Variants in TSNARE1 observed in about 807,000 individuals in gnomAD.
TSNARE1 encodes t-SNARE domain containing 1.
In TSNARE1, 49 loss-of-function variants were observed where a neutral mutation model predicts 62.0. That is an observed-to-expected ratio of 0.79 (90% confidence interval 0.63 to 1.00). The LOEUF is 1.00. Ranked by LOEUF, TSNARE1 falls within the 50% of genes least tolerant of loss-of-function variation. The probability of loss-of-function intolerance (pLI) is 0.00; values close to 1 mark genes in which losing one functional copy is unlikely to be tolerated. For synonymous variants in TSNARE1, 328 were observed against 294.4 expected, an observed-to-expected ratio of 1.11 and a Z score of -1.17; for missense variants, 755 against 700.1, an observed-to-expected ratio of 1.08 and a Z score of -0.88.
At chr8:142,288,658 C>T (rs1485226748) in intron 10 of TSNARE1, among the ~76,000 whole-genome samples, 2 of 152,244 alleles carry the variant, frequency 1.3e-5, no homozygotes, top group African/African-American at 2.4e-5. Flanking sequence ...ATGTCAGGCC[C>T]GCAGACAGAG....
At chr8:142,368,958 A>T (rs191764725) in intron 1 of TSNARE1, among the ~76,000 whole-genome samples, 5 of 152,208 alleles carry the variant, frequency 3.3e-5, no homozygotes, top group African/African-American at 1.2e-4. Context: ...ACTCTCCTCT[A>T]AAGAGCAGCA....
intron 1 of TSNARE1, chr8:142,366,053 C>CT (rs1172678046): frequency 0.018 from 5,767 of 321,446 alleles, 14 homozygotes; most frequent in African/African-American, 0.029. Context: ...GCTTTTTTTT[C>CT]TTTTTTTTTT....
At chr8:142,339,827 G>A (rs906449117) in intron 4 of TSNARE1, among the ~76,000 whole-genome samples, 3 of 152,244 alleles carry the variant, frequency 2.0e-5, no homozygotes, top group Non-Finnish European at 4.4e-5. Context: ...GCGGAGAGCA[G>A]CGGCCCTGCC....
intron 12 of TSNARE1, among the ~76,000 whole-genome samples, chr8:142,241,310 G>A (rs960118474): frequency 6.6e-6 from 1 of 152,158 alleles, no homozygotes; most frequent in African/African-American, 2.4e-5. Flanking sequence ...TAAGGAAGGG[G>A]TGAAAGATAT....
At chr8:142,344,506 C>T in intron 3 of TSNARE1, 34 bp from the exon 4 acceptor site, 3 of 1,465,592 alleles carry the variant, frequency 2.0e-6, no homozygotes, top group East Asian at 5.0e-5. Flanking sequence ...TGTTTAAGGC[C>T]CTGGGCCTGT....
rs146623805 is a variant in TSNARE1, at chr8:142,343,717, C to T, written c.745+249G>A. Among the ~76,000 whole-genome samples the T allele has an allele frequency of 1.5e-3, 216 of 140,302 alleles. 1 individual carries two copies. Among genetic ancestry groups the T allele is most frequent in the African/African-American group, 5.4e-3 (201 of 37,268 alleles). 92.0% of individuals were successfully genotyped at this position (140,302 alleles called of 152,430 possible). A position where few individuals can be genotyped will look rare whatever the true frequency, so the allele number is the denominator to read the frequency against. On this transcript the variant is annotated intron_variant, in intron 4 of 13. Coordinates refer to ENST00000524325, the MANE Select transcript of TSNARE1 (RefSeq NM_145003.5). ...GTGAACGGGGCAGAGGATGAATGAA[C>T]AAGAACACTCCAGATGAGACAGTGG... is the stretch of plus-strand genomic sequence containing the variant.
intron 5 of TSNARE1, among the ~76,000 whole-genome samples, chr8:142,331,244 T>C (rs368903143): frequency 2.0e-5 from 3 of 152,236 alleles, no homozygotes; most frequent in East Asian, 3.9e-4. Flanking sequence ...TCCAGCAGTC[T>C]TGCCCTGGCT....
At chr8:142,282,873 G>A (rs1298707897) in intron 11 of TSNARE1, among the ~76,000 whole-genome samples, 3 of 141,290 alleles carry the variant, frequency 2.1e-5, no homozygotes, top group Non-Finnish European at 3.1e-5. Context: ...GCAGAGGGGA[G>A]GCCACTGTCT....
rs374732897 is a variant in TSNARE1, at chr8:142,330,988, G to A, written c.824-18C>T. The A allele has an allele frequency of 1.2e-6, 2 of 1,612,914 alleles. No homozygotes were observed. Among genetic ancestry groups the A allele is most frequent in the African/African-American group, 2.7e-5 (2 of 74,932 alleles). On this transcript the variant is annotated intron_variant, in intron 5 of 13. Transcript: ENST00000524325. ...GGAGGTCACTGCCCGAGAGAAGAGG[G>A]ACAGGGTGAGGGCAGAAGGAGCTTC...
intron 9 of TSNARE1, among the ~76,000 whole-genome samples, chr8:142,314,076 G>T (rs1828108223): frequency 6.6e-6 from 1 of 152,208 alleles, no homozygotes; most frequent in South Asian, 2.1e-4. Context: ...ACCGCGCCCG[G>T]CCACGTGTGT....
chr8:142,214,469 C>T (rs925229974), intron 13 of TSNARE1, among the ~76,000 whole-genome samples: 2 of 152,210 alleles, frequency 1.3e-5, no homozygotes, highest in African/African-American at 2.4e-5. Flanking sequence ...TCCAGTCATC[C>T]CCAAAACTTG....
At chr8:142,243,972 G>C (rs1297334643) in intron 12 of TSNARE1, among the ~76,000 whole-genome samples, 1 of 152,164 alleles carries the variant, frequency 6.6e-6, no homozygotes, top group Non-Finnish European at 1.5e-5. Flanking sequence ...CGGATCACGA[G>C]GTCAGGAGAT....
chr8:142,328,480 G>A (rs527355564), intron 6 of TSNARE1, among the ~76,000 whole-genome samples: 5 of 152,334 alleles, frequency 3.3e-5, no homozygotes, highest in South Asian at 2.1e-4. Context: ...GACCCAATGC[G>A]TAAGGGATAA....
intron 12 of TSNARE1, among the ~76,000 whole-genome samples, chr8:142,263,915 A>G (rs1176632903): frequency 6.6e-6 from 1 of 152,174 alleles, no homozygotes; most frequent in Non-Finnish European, 1.5e-5. Flanking sequence ...AAATTTTAAC[A>G]AGTTAAAGTT....
chr8:142,400,322 T>C (rs1257207734), intron 1 of TSNARE1, among the ~76,000 whole-genome samples: 2 of 152,154 alleles, frequency 1.3e-5, no homozygotes, highest in Non-Finnish European at 2.9e-5. Flanking sequence ...GGCAGGCCCC[T>C]GTAATCCCAG....
At chr8:142,346,388 G>A (rs1453455230) in intron 2 of TSNARE1, among the ~76,000 whole-genome samples, 3 of 152,250 alleles carry the variant, frequency 2.0e-5, no homozygotes, top group Non-Finnish European at 2.9e-5. Flanking sequence ...AGGCAGAGAC[G>A]CGTGCTCCCC....
chr8:142,309,156 G>A (rs1458435845), intron 9 of TSNARE1, among the ~76,000 whole-genome samples: 1 of 152,156 alleles, frequency 6.6e-6, no homozygotes, highest in African/African-American at 2.4e-5. Context: ...CGCATTCACT[G>A]ATGAATTCTG....
At chr8:142,387,830 T>C (rs1361440445) in intron 1 of TSNARE1, among the ~76,000 whole-genome samples, 2 of 152,174 alleles carry the variant, frequency 1.3e-5, no homozygotes, top group Non-Finnish European at 2.9e-5. Context: ...AACCACTCTT[T>C]AGAGACCAGG....
intron 12 of TSNARE1, among the ~76,000 whole-genome samples, chr8:142,252,009 A>C (rs1168713499): frequency 2.0e-4 from 14 of 71,048 alleles, no homozygotes; most frequent in South Asian, 1.1e-3. Flanking sequence ...CGCGTTCTCT[A>C]TCTGCAGGGC....
Sources: allele counts gnomAD v4.1 joint callset (sites outside exome capture counted in the v4.1 genomes callset), GRCh38; gene constraint gnomAD v4.1.1; transcripts MANE v1.5; gene names NCBI Gene and HGNC (gene_info 2026-07-23, HGNC 2026-07-21).